Variants in IL6R observed in about 807,000 individuals in gnomAD.
IL6R encodes the protein interleukin-6 receptor subunit alpha.
In IL6R, 38 loss-of-function variants were observed where a neutral mutation model predicts 48.3. That is an observed-to-expected ratio of 0.79 (90% confidence interval 0.61 to 1.03). IL6R has a LOEUF of 1.03. Ranked by LOEUF, IL6R falls within the 50% of genes least tolerant of loss-of-function variation. The probability of loss-of-function intolerance (pLI) is 0.00; values close to 1 mark genes in which losing one functional copy is unlikely to be tolerated. For missense variants in IL6R, 534 were observed against 618.3 expected (o/e 0.86, Z 1.45); for synonymous variants, 264 against 256.2 (o/e 1.03, Z -0.29).
rs183731867 is a variant in IL6R at position 154,458,123 on chromosome 1, C to G, written c.1160+3542C>G. Among the ~76,000 whole-genome samples the G allele has an allele frequency of 1.5e-4, 23 of 152,014 alleles. 1 individual carries two copies. In the East Asian group the frequency reaches 3.5e-3, roughly 23 times the overall value. On this transcript the variant is annotated intron_variant, in intron 9 of 9. Transcript: ENST00000368485. ...GTGGGACTACAGGCGCCCACCACCA[C>G]GCCTGGCTAATTTTTTGTATTTTTT... is the stretch of plus-strand genomic sequence containing the variant.
At chr1:154,409,980 T>C (rs1687935941) in intron 1 of IL6R, among the ~76,000 whole-genome samples, 1 of 152,154 alleles carries the variant, frequency 6.6e-6, no homozygotes, top group Non-Finnish European at 1.5e-5. Context: ...CTCTAGAGAT[T>C]CCCTATATGT....
intron 6 of IL6R, chr1:154,437,455 C>T (rs960281298): frequency 1.9e-5 from 8 of 413,372 alleles, no homozygotes; most frequent in Admixed American, 1.0e-4. Context: ...TCCTCGTTGC[C>T]CAGGATGGAG....
At chr1:154,417,827 C>T (rs190089850) in intron 1 of IL6R, among the ~76,000 whole-genome samples, 29 of 150,142 alleles carry the variant, frequency 1.9e-4, no homozygotes, top group African/African-American at 5.1e-4. Context: ...TGCAACCTTC[C>T]GGTTTCAAGC....
chr1:154,422,668 A>G (rs540253902), intron 1 of IL6R, among the ~76,000 whole-genome samples: 1 of 152,230 alleles, frequency 6.6e-6, no homozygotes, highest in Non-Finnish European at 1.5e-5. Flanking sequence ...GCAATTGCTC[A>G]CGGACAAATG....
intron 1 of IL6R, among the ~76,000 whole-genome samples, chr1:154,419,418 T>G (rs1263792424): frequency 1.3e-5 from 2 of 152,190 alleles, no homozygotes; most frequent in Non-Finnish European, 2.9e-5. Context: ...GGACACAAGG[T>G]GTCCACAGGC....
chr1:154,434,469 G>A, intron 3 of IL6R, 50 bp from the exon 4 acceptor site: 2 of 1,545,544 alleles, frequency 1.3e-6, no homozygotes, highest in Admixed American at 1.8e-5. Context: ...CCCGTCTTGA[G>A]TCTGTGCGAA....
At chr1:154,410,762 C>T (rs774717040) in intron 1 of IL6R, among the ~76,000 whole-genome samples, 47 of 152,312 alleles carry the variant, frequency 3.1e-4, no homozygotes, top group Admixed American at 1.2e-3. Flanking sequence ...GTCCCTGAGG[C>T]CCTGCATCCA....
At chr1:154,420,395 C>T (rs879273709) in intron 1 of IL6R, among the ~76,000 whole-genome samples, 12 of 151,922 alleles carry the variant, frequency 7.9e-5, no homozygotes, top group Non-Finnish European at 1.8e-4. Context: ...GTGACGTGCC[C>T]ATGGCTGCCT....
chr1:154,450,518 G>A (rs1463522359), intron 8 of IL6R, among the ~76,000 whole-genome samples: 1 of 152,158 alleles, frequency 6.6e-6, no homozygotes, highest in Non-Finnish European at 1.5e-5. Flanking sequence ...AAATCACTTC[G>A]AGATATTTGA....
In IL6R at chr1:154,450,112, G is replaced by GTGTGTGTT. The variant is rs1690497991; in HGVS notation, c.1066+139_1066+140insTTGTGTGT. On this transcript the variant is annotated intron_variant, in intron 8 of 9. Coordinates refer to ENST00000368485, the MANE Select transcript of IL6R (RefSeq NM_000565.4). The stretch of plus-strand genomic sequence containing the variant: ...TCAATCGCAGAAATGTTCTGTGTGT[G>GTGTGTGTT]TGTGTGTGTGTGTGTGTGTGTGTGT... 3.0e-5 allele frequency: 17 copies of GTGTGTGTT among 570,358 alleles called. No homozygotes were observed. The South Asian group carries it at 3.1e-4, about 10-fold the overall frequency. 35.3% of individuals were successfully genotyped at this position (570,358 alleles called of 1,614,324 possible).
At chr1:154,446,314 C>T (rs1291694329) in intron 6 of IL6R, among the ~76,000 whole-genome samples, 1 of 152,148 alleles carries the variant, frequency 6.6e-6, no homozygotes, top group African/African-American at 2.4e-5. Flanking sequence ...AGAGTGGATG[C>T]ATTCTTATAC....
Position 154,434,682 on chromosome 1 carries a change from T to C in IL6R, c.622T>C (p.Phe208Leu). ...VGSKFSKTQT[F>L]QGCGILQPDP... ...GAGCAAGTTCAGCAAAACTCAAACC[T>C]TTCAGGGTTGTGGAATCTGTACGTA... The change falls in exon 4 of 10, where the codon TTT (phenylalanine) becomes CTT (leucine). Residue 208 changes from phenylalanine (F) to leucine (L), a missense_variant. Transcript: ENST00000368485. 6.2e-7 allele frequency: 1 copy of C among 1,613,862 alleles called. No individual in the cohort carries two copies. Among genetic ancestry groups the C allele is most frequent in the East Asian group, 2.2e-5 (1 of 44,890 alleles).
rs749612665 is a variant in IL6R at position 154,468,621 on chromosome 1, C to T, written c.*3241C>T. ...GTTCACACGGAGCCTCTGGCACTTCCCTGCTGTCTTGGGAGAAAGGAAACT... is the reference window on the plus strand; with the variant it reads ...GTTCACACGGAGCCTCTGGCACTTCTCTGCTGTCTTGGGAGAAAGGAAACT... On this transcript the variant is annotated 3_prime_UTR_variant, in exon 10 of 10. Transcript: ENST00000368485. 1.3e-5 allele frequency: 2 copies of T among 152,206 alleles called. No individual in the cohort carries two copies. Among genetic ancestry groups the T allele is most frequent in the Non-Finnish European group, 2.9e-5 (2 of 68,068 alleles). 9.4% of individuals were successfully genotyped at this position (152,206 alleles called of 1,614,324 possible).
At chr1:154,448,245 G>A (rs146425297) in intron 7 of IL6R, 74 bp downstream of exon 7, 11 of 1,249,482 alleles carry the variant, frequency 8.8e-6, no homozygotes, top group South Asian at 3.6e-5. Context: ...ATGCCAGACC[G>A]AATTTGGTTT....
At chr1:154,430,358 G>C in intron 2 of IL6R, 125 bp from the exon 3 acceptor site, 1 of 1,237,214 alleles carries the variant, frequency 8.1e-7, no homozygotes, top group Non-Finnish European at 1.1e-6. Context: ...GTCCTGACTA[G>C]CTCCAGGGCT....
At chr1:154,454,837 G>A (rs1690785695) in intron 9 of IL6R, among the ~76,000 whole-genome samples, 2 of 152,186 alleles carry the variant, frequency 1.3e-5, no homozygotes, top group South Asian at 4.1e-4. Context: ...ACTGTGGTAA[G>A]AGCTACAAAA....
intron 9 of IL6R, among the ~76,000 whole-genome samples, 195 bp downstream of exon 9, chr1:154,454,776 G>T (rs778616162): frequency 2.0e-5 from 3 of 152,190 alleles, no homozygotes; most frequent in Non-Finnish European, 4.4e-5. Flanking sequence ...ACAATGCTGG[G>T]CAGGACAGAT....
At chr1:154,444,496 C>G (rs548615766) in intron 6 of IL6R, among the ~76,000 whole-genome samples, 3 of 152,280 alleles carry the variant, frequency 2.0e-5, no homozygotes, top group Non-Finnish European at 4.4e-5. Context: ...CATGAGCCAC[C>G]GTGCCCGGCT....
chr1:154,450,033 C>G, intron 8 of IL6R, 53 bp downstream of exon 8: 2 of 1,158,708 alleles, frequency 1.7e-6, no homozygotes, highest in African/African-American at 1.5e-5. Context: ...GAAGATTTGT[C>G]TCTGCAGAAA....
Sources: gnomAD v4.1 joint callset for allele counts (sites outside exome capture counted in the v4.1 genomes callset) on GRCh38, gnomAD v4.1.1 for gene constraint, MANE v1.5 for transcripts, NCBI Gene and HGNC (gene_info 2026-07-23, HGNC 2026-07-21) for gene names.